RAPGEF4: variants seen among roughly 807,000 people sequenced by gnomAD.
RAPGEF4 encodes Rap guanine nucleotide exchange factor 4.
A neutral mutation model predicts 147.9 loss-of-function variants in RAPGEF4; 66 were observed. The ratio of observed to expected loss-of-function variants is 0.45; its 90% CI spans 0.37 to 0.55. The LOEUF (loss-of-function observed/expected upper bound fraction) is 0.55, where lower values mean the gene tolerates loss of function less well. Ranked by LOEUF, RAPGEF4 falls within the 20% of genes least tolerant of loss-of-function variation. The pLI, the probability that RAPGEF4 is intolerant of heterozygous loss-of-function variation, is 0.00. For synonymous variants in RAPGEF4, 419 were observed against 442.7 expected (o/e 0.95, Z 0.67); for missense variants, 1,071 against 1,257.3 (o/e 0.85, Z 2.24).
At chr2:172,807,068 C>A (rs1687568169) in intron 3 of RAPGEF4, among the ~76,000 whole-genome samples, 1 of 152,178 alleles carries the variant, frequency 6.6e-6, no homozygotes, top group Non-Finnish European at 1.5e-5. Flanking sequence ...ATTTATTGAG[C>A]CCATAAAACG....
chr2:173,016,995 C>T (rs950934310), intron 19 of RAPGEF4, among the ~76,000 whole-genome samples, 179 bp from the exon 20 acceptor site: 1 of 152,208 alleles, frequency 6.6e-6, no homozygotes, highest in African/African-American at 2.4e-5. Context: ...GAGCTGATAT[C>T]TTTGCTGTCT....
Position 172,869,843 on chromosome 2 carries a change from A to G in RAPGEF4, c.445-47959A>G, listed in dbSNP as rs550399819. ...CCAGAAATCTGAGCTCAGACAATGT[A>G]AAATATAAAATGTAGAGGTAAAGTG... is the stretch of plus-strand genomic sequence containing the variant. On this transcript the variant is annotated intron_variant, in intron 4 of 30. Transcript: ENST00000397081. Among the ~76,000 whole-genome samples, 43 of 152,288 alleles carry G rather than the reference A, an allele frequency of 2.8e-4. No homozygotes were observed. The South Asian group carries it at 8.5e-3, about 30-fold the overall frequency.
chr2:172,965,598 G>T lies in RAPGEF4; in HGVS notation c.735G>T (p.Met245Ile). 1 of 1,613,694 alleles carries T rather than the reference G, an allele frequency of 6.2e-7. No individual in the cohort carries two copies. Among genetic ancestry groups the T allele is most frequent in the Non-Finnish European group, 8.5e-7 (1 of 1,179,604 alleles). ...CCVGTELVDW[M>I]MQQTPCVHSR... is the part of the protein sequence containing the mutation. ...TGGGAACTGAACTGGTGGACTGGATGATGCAGCAGACACCATGTGTTCACT... is the reference window on the plus strand; with the variant it reads ...TGGGAACTGAACTGGTGGACTGGATTATGCAGCAGACACCATGTGTTCACT... The change falls in exon 9 of 31, where the codon ATG becomes ATT. Residue 245 changes from methionine to isoleucine, a missense_variant. Physicochemically the swap from Met to Ile is conservative, Grantham distance 10 (BLOSUM62 1). Coordinates refer to ENST00000397081, the MANE Select transcript of RAPGEF4 (RefSeq NM_007023.4).
chr2:172,881,752 C>T (rs572651158), intron 4 of RAPGEF4, among the ~76,000 whole-genome samples: 3 of 152,324 alleles, frequency 2.0e-5, no homozygotes, highest in Admixed American at 6.5e-5. Flanking sequence ...TACTCCAACA[C>T]GTTTGTAGTT....
At chr2:173,026,105 G>A (rs528833288) in intron 23 of RAPGEF4, among the ~76,000 whole-genome samples, 4 of 152,304 alleles carry the variant, frequency 2.6e-5, no homozygotes, top group Admixed American at 2.0e-4. Flanking sequence ...AAGAGATGGA[G>A]AGGCAGCAGT....
At chr2:172,801,226 A>G (rs770408869) in intron 3 of RAPGEF4, among the ~76,000 whole-genome samples, 2 of 152,152 alleles carry the variant, frequency 1.3e-5, no homozygotes, top group Non-Finnish European at 2.9e-5. Flanking sequence ...TGCTGGGCGC[A>G]CTCATGAACA....
chr2:172,851,582 G>A (rs1310326533), intron 4 of RAPGEF4, among the ~76,000 whole-genome samples: 2 of 151,958 alleles, frequency 1.3e-5, no homozygotes, highest in Non-Finnish European at 2.9e-5. Context: ...AAGAAAATGT[G>A]GTACATATAC....
At chr2:172,903,838 T>C (rs962241951) in intron 4 of RAPGEF4, among the ~76,000 whole-genome samples, 17 of 152,240 alleles carry the variant, frequency 1.1e-4, no homozygotes, top group African/African-American at 4.1e-4. Flanking sequence ...TGGCTTCACA[T>C]GTTGAGGGAC....
chr2:172,985,592 G>A (rs527940610), intron 12 of RAPGEF4, 99 bp downstream of exon 12: 555 of 1,544,852 alleles, frequency 3.6e-4, no homozygotes, highest in Non-Finnish European at 4.6e-4. Flanking sequence ...TCTTGGCCCC[G>A]GGTCTGGCTT....
chr2:172,981,205 G>T (rs897700621), intron 10 of RAPGEF4, among the ~76,000 whole-genome samples: 2 of 152,158 alleles, frequency 1.3e-5, no homozygotes, highest in African/African-American at 4.8e-5. Context: ...CTTCTAGGAG[G>T]GTTCCCTGTT....
chr2:172,759,132 T>C (rs2149461421), intron 1 of RAPGEF4, among the ~76,000 whole-genome samples: 1 of 152,276 alleles, frequency 6.6e-6, no homozygotes, highest in Middle Eastern at 3.4e-3. Flanking sequence ...AAATCTGGGG[T>C]TGCATTTGAA....
chr2:173,035,478 T>A (rs1022914677), intron 27 of RAPGEF4, among the ~76,000 whole-genome samples: 9 of 144,264 alleles, frequency 6.2e-5, no homozygotes, highest in Non-Finnish European at 1.5e-5. Context: ...GCCACTGCAC[T>A]CCAGCCTGGG....
intron 14 of RAPGEF4, 21 bp from the exon 15 acceptor site, chr2:172,990,789 T>C (rs1171204000): frequency 2.6e-6 from 4 of 1,568,040 alleles, no homozygotes; most frequent in East Asian, 2.2e-5. Context: ...CATCTGTATG[T>C]GGTGTAATTT....
At chr2:172,864,449 T>A (rs956858329) in intron 4 of RAPGEF4, among the ~76,000 whole-genome samples, 2 of 152,214 alleles carry the variant, frequency 1.3e-5, no homozygotes, top group Non-Finnish European at 2.9e-5. Flanking sequence ...GAGTCTGGGA[T>A]TCGGCTCTTG....
At chr2:172,960,229 G>A (rs1689145908) in intron 6 of RAPGEF4, among the ~76,000 whole-genome samples, 1 of 152,096 alleles carries the variant, frequency 6.6e-6, no homozygotes, top group African/African-American at 2.4e-5. Context: ...TGCCTCAGTG[G>A]GCTCTAGGAG....
intron 6 of RAPGEF4, among the ~76,000 whole-genome samples, chr2:172,943,161 A>C (rs1249197306): frequency 6.6e-6 from 1 of 152,182 alleles, no homozygotes; most frequent in Non-Finnish European, 1.5e-5. Context: ...CTAAAAAGGA[A>C]GAAGGGAGCC....
At chr2:173,013,576 A>G (rs949845305) in intron 17 of RAPGEF4, among the ~76,000 whole-genome samples, 4 of 152,208 alleles carry the variant, frequency 2.6e-5, no homozygotes, top group African/African-American at 9.6e-5. Context: ...CTAACCTAAA[A>G]TATTTCTTGA....
chr2:172,902,321 T>TTATTTGAGACAGG (rs1215869517), intron 4 of RAPGEF4, among the ~76,000 whole-genome samples: 1 of 151,884 alleles, frequency 6.6e-6, no homozygotes, highest in Non-Finnish European at 1.5e-5. Context: ...ATTTATTTAT[T>TTATTTGAGACAGG]TGAGACAGGG....
chr2:172,869,110 C>T (rs1426625211), intron 4 of RAPGEF4, among the ~76,000 whole-genome samples: 1 of 152,150 alleles, frequency 6.6e-6, no homozygotes, highest in East Asian at 1.9e-4. Context: ...CTGAATTTCC[C>T]CCCATTCTAA....
Sources: gnomAD v4.1 joint callset for allele counts (sites outside exome capture counted in the v4.1 genomes callset) on GRCh38, gnomAD v4.1.1 for gene constraint, MANE v1.5 for transcripts, NCBI Gene and HGNC (gene_info 2026-07-23, HGNC 2026-07-21) for gene names.